SLC22A23: variants seen among roughly 807,000 people sequenced by gnomAD.
SLC22A23 encodes solute carrier family 22 member 23, also known as ion transporter protein.
A neutral mutation model predicts 61.0 loss-of-function variants in SLC22A23; 26 were observed. The observed-to-expected ratio is 0.43, with a 90% CI of 0.31 to 0.59. The LOEUF (loss-of-function observed/expected upper bound fraction) is 0.59, where lower values mean the gene tolerates loss of function less well. Among genes scored for constraint, SLC22A23 ranks in the 20% least tolerant of loss-of-function variants. The pLI, the probability that SLC22A23 is intolerant of heterozygous loss-of-function variation, is 0.11. For missense variants in SLC22A23, 796 were observed against 934.7 expected, an observed-to-expected ratio of 0.85 and a Z score of 1.94; for synonymous variants, 430 against 413.9, an observed-to-expected ratio of 1.04 and a Z score of -0.47.
chr6:3,289,167 T>C (rs1760329247), intron 6 of SLC22A23, among the ~76,000 whole-genome samples: 1 of 145,790 alleles, frequency 6.9e-6, no homozygotes, highest in South Asian at 2.1e-4. Context: ...GGAGTGACCT[T>C]CTAGGTACAC....
intron 3 of SLC22A23, among the ~76,000 whole-genome samples, chr6:3,345,881 C>T (rs1764406687): frequency 6.6e-6 from 1 of 152,138 alleles, no homozygotes. Flanking sequence ...TTTCAGTTTT[C>T]TATTTATAAC....
chr6:3,364,202 T>C (rs1765658995), intron 3 of SLC22A23, among the ~76,000 whole-genome samples: 1 of 152,242 alleles, frequency 6.6e-6, no homozygotes, highest in African/African-American at 2.4e-5. Flanking sequence ...ACTGTCCTTA[T>C]GGTGCCACCA....
intron 5 of SLC22A23, 136 bp from the exon 6 acceptor site, chr6:3,290,002 T>TGC (rs1561870878): frequency 1.8e-5 from 12 of 650,416 alleles, no homozygotes; most frequent in African/African-American, 5.0e-5. Context: ...TTTTTTTTTT[T>TGC]GCCAGTGGAT....
chr6:3,294,059 C>T (rs538692447), intron 5 of SLC22A23, among the ~76,000 whole-genome samples: 1 of 152,296 alleles, frequency 6.6e-6, no homozygotes, highest in Admixed American at 6.5e-5. Flanking sequence ...GTGCATTTGC[C>T]GTCCTTCCCC....
intron 5 of SLC22A23, among the ~76,000 whole-genome samples, chr6:3,293,225 GAA>G (rs1182353365): frequency 1.3e-5 from 2 of 152,160 alleles, no homozygotes; most frequent in Non-Finnish European, 2.9e-5. Flanking sequence ...AGCAAGAAAA[GAA>G]AAAGGAGGAG....
intron 4 of SLC22A23, among the ~76,000 whole-genome samples, chr6:3,307,449 AC>A (rs58676232): frequency 0.054 from 8,182 of 152,292 alleles, 697 homozygotes; most frequent in African/African-American, 0.17. Context: ...TGGCCATAAT[AC>A]CTGAACTGGC....
chr6:3,344,680 C>T (rs996498734), intron 3 of SLC22A23, among the ~76,000 whole-genome samples: 16 of 152,194 alleles, frequency 1.1e-4, no homozygotes, highest in Non-Finnish European at 2.2e-4. Flanking sequence ...AAGTGAACAG[C>T]GTGTCTTGAA....
intron 3 of SLC22A23, among the ~76,000 whole-genome samples, chr6:3,367,373 G>A (rs1224875177): frequency 1.3e-5 from 2 of 152,214 alleles, no homozygotes; most frequent in African/African-American, 4.8e-5. Context: ...GATTAACTGT[G>A]TAATGGGAAA....
intron 1 of SLC22A23, among the ~76,000 whole-genome samples, chr6:3,447,374 T>A (rs1486284731): frequency 6.6e-6 from 1 of 152,156 alleles, no homozygotes; most frequent in Non-Finnish European, 1.5e-5. Flanking sequence ...AGTCTCTCAA[T>A]TCCCTTTCTT....
rs1765393015 is a variant in SLC22A23 at position 3,360,886 on chromosome 6, G to C, written c.914-36884C>G. 2.6e-5 allele frequency among the ~76,000 whole-genome samples: 4 copies of C among 152,316 alleles called. No individual in the cohort carries two copies. The South Asian group carries it at 8.3e-4, about 32-fold the overall frequency. ...GCCTTCCCTCGGGCAAAGATGCTGG[G>C]GTGGGGAACAGGTGCAGCAGGAACA... On this transcript the variant is annotated intron_variant, in intron 3 of 9. Coordinates refer to ENST00000406686, the MANE Select transcript of SLC22A23 (RefSeq NM_015482.2). This position sits in a 1 kb window ranked among gnomAD's most constrained non-coding sequence, Gnocchi z 4.6.
At chr6:3,325,583 G>C (rs1763231756) in intron 3 of SLC22A23, among the ~76,000 whole-genome samples, 1 of 152,208 alleles carries the variant, frequency 6.6e-6, no homozygotes, top group Non-Finnish European at 1.5e-5. Flanking sequence ...CTGCAATGCT[G>C]TTCCTTTTGG....
intron 3 of SLC22A23, among the ~76,000 whole-genome samples, chr6:3,403,203 G>T (rs991702076): frequency 2.7e-5 from 4 of 150,566 alleles, no homozygotes; most frequent in Non-Finnish European, 4.4e-5. Flanking sequence ...TGTTTTCAAG[G>T]TGACTGATTT....
rs187915641 is a variant in SLC22A23 at position 3,325,612 on chromosome 6, C to T, written c.914-1610G>A. Among the ~76,000 whole-genome samples, 297 of 152,320 alleles carry T rather than the reference C, an allele frequency of 1.9e-3. 1 individual carries two copies. Among genetic ancestry groups the T allele is most frequent in the Non-Finnish European group, 3.6e-3 (246 of 68,024 alleles). On this transcript the variant is annotated intron_variant, in intron 3 of 9. Transcript: ENST00000406686. The stretch of plus-strand genomic sequence containing the variant: ...CTTTTGGTACCATAGGTCAGGTTCA[C>T]TTAAAAGATCACTACCTAGCAGGGT...
At chr6:3,292,346 G>A (rs1379628071) in intron 5 of SLC22A23, among the ~76,000 whole-genome samples, 3 of 152,152 alleles carry the variant, frequency 2.0e-5, no homozygotes, top group Admixed American at 6.5e-5. Flanking sequence ...AGGCCTTTTT[G>A]TCTGTCCAGG....
intron 2 of SLC22A23, among the ~76,000 whole-genome samples, chr6:3,411,980 C>T (rs972536414): frequency 2.6e-5 from 4 of 152,218 alleles, no homozygotes; most frequent in Non-Finnish European, 5.9e-5. Context: ...TGAACTAACT[C>T]TAACATTTTG....
chr6:3,382,178 A>C (rs1369364008), intron 3 of SLC22A23, among the ~76,000 whole-genome samples: 1 of 152,202 alleles, frequency 6.6e-6, no homozygotes, highest in Admixed American at 6.5e-5. Flanking sequence ...GGGTTGAGCC[A>C]CCAACTCTTA....
chr6:3,277,735 T>C (rs1759040838), intron 9 of SLC22A23, among the ~76,000 whole-genome samples: 2 of 152,236 alleles, frequency 1.3e-5, no homozygotes, highest in Admixed American at 6.5e-5. Flanking sequence ...CTCAGTGCTA[T>C]AGTCGGATTT....
rs145559362 is a variant in SLC22A23, at chr6:3,364,195, G to A, written c.914-40193C>T. 2.0e-4 allele frequency among the ~76,000 whole-genome samples: 30 copies of A among 152,308 alleles called. No homozygotes were observed. In the Middle Eastern group the frequency reaches 0.01, roughly 52 times the overall value. On this transcript the variant is annotated intron_variant, in intron 3 of 9. Transcript: ENST00000406686. ...TATTGCTTGGAAATGAACACTAACT[G>A]TCCTTATGGTGCCACCAAACACTTG... is the stretch of plus-strand genomic sequence containing the variant.
At chr6:3,429,709 G>A (rs1200319758) in intron 1 of SLC22A23, among the ~76,000 whole-genome samples, 1 of 152,156 alleles carries the variant, frequency 6.6e-6, no homozygotes, top group Non-Finnish European at 1.5e-5. Context: ...ACATGATGGA[G>A]GATTATTTAG....
Sources: allele counts gnomAD v4.1 joint callset (sites outside exome capture counted in the v4.1 genomes callset), GRCh38; gene constraint gnomAD v4.1.1; non-coding constraint Gnocchi (gnomAD v3.1); transcripts MANE v1.5; gene names NCBI Gene and HGNC (gene_info 2026-07-23, HGNC 2026-07-21).